Variants in NAALADL2 observed in about 807,000 individuals in gnomAD.
NAALADL2 encodes N-acetylated alpha-linked acidic dipeptidase like 2, also known as inactive N-acetylated-alpha-linked acidic dipeptidase-like protein 2.
NAALADL2 carries 76 observed loss-of-function variants against 87.2 expected under a neutral mutation model. That is an observed-to-expected ratio of 0.87 (90% CI 0.72 to 1.05). The LOEUF is 1.05. Among genes scored for constraint, NAALADL2 ranks in the 50% least tolerant of loss-of-function variants. NAALADL2 has a pLI of 0.00. For synonymous variants in NAALADL2, 354 were observed against 331.0 expected, an observed-to-expected ratio of 1.07 and a Z score of -0.75; for missense variants, 1,089 against 945.8, an observed-to-expected ratio of 1.15 and a Z score of -1.99.
chr3:174,792,347 G>C (rs933214788), intron 3 of NAALADL2, among the ~76,000 whole-genome samples: 1 of 152,054 alleles, frequency 6.6e-6, no homozygotes, highest in Non-Finnish European at 1.5e-5. Context: ...GTGGTAGGCT[G>C]TACTGATTTT....
intron 5 of NAALADL2, among the ~76,000 whole-genome samples, chr3:175,428,971 A>C (rs1017188272): frequency 1.3e-5 from 2 of 152,018 alleles, no homozygotes; most frequent in African/African-American, 4.8e-5. Context: ...TTACATATTA[A>C]AATACAGAGT....
intron 2 of NAALADL2, among the ~76,000 whole-genome samples, chr3:174,658,265 T>G (rs757375911): frequency 6.6e-6 from 1 of 152,176 alleles, no homozygotes; most frequent in Non-Finnish European, 1.5e-5. Context: ...TGTGCTCCAT[T>G]TCTTCACCAG....
At chr3:175,662,746 A>T (rs538689290) in intron 11 of NAALADL2, among the ~76,000 whole-genome samples, 1 of 152,134 alleles carries the variant, frequency 6.6e-6, no homozygotes, top group African/African-American at 2.4e-5. Flanking sequence ...ATCTATTGAA[A>T]TAATCATTTG....
At chr3:175,112,450 C>A (rs1289662990) in intron 2 of NAALADL2, 1 of 151,400 alleles carries the variant, frequency 6.6e-6, no homozygotes, top group East Asian at 1.9e-4. Flanking sequence ...TAAGTAAGTC[C>A]AAATACTTTA....
At chr3:175,525,667 G>A (rs907648969) in intron 9 of NAALADL2, among the ~76,000 whole-genome samples, 1 of 151,832 alleles carries the variant, frequency 6.6e-6, no homozygotes, top group Admixed American at 6.6e-5. Flanking sequence ...ACTTCTTTGT[G>A]CCTTCATTTG....
chr3:175,355,021 T>C (rs933152944), intron 5 of NAALADL2, among the ~76,000 whole-genome samples: 2 of 94,386 alleles, frequency 2.1e-5, no homozygotes, highest in Non-Finnish European at 4.3e-5. Context: ...GCTATATATA[T>C]ATGTGTGTGT....
chr3:175,167,355 C>T (rs1320463292), intron 2 of NAALADL2, among the ~76,000 whole-genome samples: 1 of 152,068 alleles, frequency 6.6e-6, no homozygotes, highest in Non-Finnish European at 1.5e-5. Flanking sequence ...TAACACCCAC[C>T]CTGAATGACT....
intron 1 of NAALADL2, among the ~76,000 whole-genome samples, chr3:174,501,097 G>C: frequency 1.8e-5 from 1 of 56,550 alleles, no homozygotes; most frequent in African/African-American, 6.7e-5. Flanking sequence ...TTTTTTTTTT[G>C]AGACGGAGTC....
chr3:175,049,850 CT>C (rs1226615343), intron 1 of NAALADL2, among the ~76,000 whole-genome samples: 2 of 152,164 alleles, frequency 1.3e-5, no homozygotes, highest in Non-Finnish European at 1.5e-5. Flanking sequence ...GTTGATTAAT[CT>C]GTAATATGGA....
intron 1 of NAALADL2, among the ~76,000 whole-genome samples, chr3:174,925,474 C>G (rs1404875883): frequency 6.6e-6 from 1 of 152,096 alleles, no homozygotes; most frequent in East Asian, 1.9e-4. Flanking sequence ...GTTACTGTAG[C>G]CTTGTAGTAT....
chr3:175,357,133 T>G (rs980436566), intron 5 of NAALADL2, among the ~76,000 whole-genome samples: 1 of 152,190 alleles, frequency 6.6e-6, no homozygotes, highest in African/African-American at 2.4e-5. Flanking sequence ...CTCCTCACTA[T>G]TTTTTATTCC....
In NAALADL2 at chr3:175,582,788, A is replaced by G. The variant is rs74602644; in HGVS notation, c.1800+6601A>G. On this transcript the variant is annotated intron_variant, in intron 10 of 13. Coordinates refer to ENST00000454872, the MANE Select transcript of NAALADL2 (RefSeq NM_207015.3). ...AACAATTAAATAAAGTAAGTACAATAGAAGTTCTCATCATTGACTTCCATT... is the reference window on the plus strand; with the variant it reads ...AACAATTAAATAAAGTAAGTACAATGGAAGTTCTCATCATTGACTTCCATT... Among the ~76,000 whole-genome samples, 1,507 of 152,346 alleles carry G rather than the reference A, an allele frequency of 9.9e-3. 11 individuals are homozygous for G. The highest frequency in any genetic ancestry group is 0.016 in the Non-Finnish European group (1,109 of 68,018).
intron 1 of NAALADL2, among the ~76,000 whole-genome samples, chr3:175,051,212 C>T (rs191246846): frequency 2.2e-4 from 34 of 152,260 alleles, no homozygotes; most frequent in Admixed American, 1.1e-3. Flanking sequence ...ACACTTAGAG[C>T]CAAATATGGG....
intron 2 of NAALADL2, among the ~76,000 whole-genome samples, chr3:174,646,800 C>T (rs1291853102): frequency 1.3e-5 from 2 of 152,076 alleles, no homozygotes; most frequent in East Asian, 3.9e-4. Context: ...TATATTCTGT[C>T]TGCCCTGAAT....
intron 2 of NAALADL2, among the ~76,000 whole-genome samples, chr3:174,656,317 C>T (rs1003864879): frequency 1.3e-5 from 2 of 152,122 alleles, no homozygotes; most frequent in African/African-American, 4.8e-5. Context: ...GAGAAATTTC[C>T]AAATTTCCCA....
chr3:175,098,957 C>T (rs62287721), intron 2 of NAALADL2, among the ~76,000 whole-genome samples: 25,918 of 151,012 alleles, frequency 0.17, 2,527 homozygotes, highest in East Asian at 0.32. Context: ...AATACCATAA[C>T]CTAGTCTGCT....
intron 9 of NAALADL2, among the ~76,000 whole-genome samples, chr3:175,528,831 G>A (rs970340165): frequency 3.7e-4 from 57 of 152,168 alleles, no homozygotes; most frequent in African/African-American, 1.3e-3. Flanking sequence ...TAGTACAAGA[G>A]TACACATGCA....
intron 1 of NAALADL2, among the ~76,000 whole-genome samples, chr3:175,096,489 A>C (rs2126166): frequency 1.2e-4 from 17 of 137,520 alleles, no homozygotes; most frequent in Admixed American, 9.9e-4. Context: ...TCAAAGATTA[A>C]TGGGGCGTGT....
intron 3 of NAALADL2, among the ~76,000 whole-genome samples, chr3:175,249,200 T>C (rs1748558147): frequency 6.6e-6 from 1 of 152,180 alleles, no homozygotes; most frequent in Admixed American, 6.5e-5. Flanking sequence ...TAGACACTTT[T>C]TGTTTCTTGG....
Sources: gnomAD v4.1 joint callset for allele counts (sites outside exome capture counted in the v4.1 genomes callset) on GRCh38, gnomAD v4.1.1 for gene constraint, MANE v1.5 for transcripts, NCBI Gene and HGNC (gene_info 2026-07-23, HGNC 2026-07-21) for gene names.